The following TRMT11 variants were observed in gnomAD, a reference collection of about 807,000 sequenced individuals.
TRMT11 encodes tRNA methyltransferase 11.
Under a neutral mutation model 62.8 loss-of-function variants are expected in TRMT11, and 53 were observed. That is an observed-to-expected ratio of 0.84 (90% CI 0.68 to 1.06). TRMT11 has a LOEUF of 1.06. Ranked by LOEUF, TRMT11 falls within the 50% of genes least tolerant of loss-of-function variation. The pLI is 0.00. For synonymous variants in TRMT11, 188 were observed against 190.3 expected (o/e 0.99, Z 0.10); for missense variants, 556 against 553.4 (o/e 1.00, Z -0.05).
chr6:126,120,814 C>T (rs540914288), intron 21 of TRMT11, among the ~76,000 whole-genome samples: 1 of 152,246 alleles, frequency 6.6e-6, no homozygotes, highest in South Asian at 2.1e-4. Flanking sequence ...GAATAAGTCT[C>T]TTTCAGCCCA....
chr6:126,263,764 G>A, the TRMT11 span, among the ~76,000 whole-genome samples: 4,666 of 152,244 alleles, frequency 0.031, 101 homozygotes, highest in Non-Finnish European at 0.044. Context: ...ACCCAAAACT[G>A]CAGAGAGAGG....
At chr6:126,127,351 T>C (rs961548482) in intron 21 of TRMT11, among the ~76,000 whole-genome samples, 1 of 151,974 alleles carries the variant, frequency 6.6e-6, no homozygotes, top group Non-Finnish European at 1.5e-5. Context: ...AACTATCAAA[T>C]TGTCACATGG....
At chr6:126,086,486 T>C (rs1262178758) in intron 17 of TRMT11, among the ~76,000 whole-genome samples, 2 of 152,152 alleles carry the variant, frequency 1.3e-5, no homozygotes, top group African/African-American at 4.8e-5. Flanking sequence ...CATCCCTTTT[T>C]CTACATTTGA....
At chr6:126,176,063 G>T (rs1172265684), upstream of TRMT11, among the ~76,000 whole-genome samples, 1 of 152,202 alleles carries the variant, frequency 6.6e-6, no homozygotes, top group East Asian at 1.9e-4. Context: ...TTTGCTGGGT[G>T]ATGTGTAATC....
chr6:126,118,792 A>G (rs1466582103), intron 21 of TRMT11, among the ~76,000 whole-genome samples: 1 of 152,120 alleles, frequency 6.6e-6, no homozygotes, highest in Non-Finnish European at 1.5e-5. Flanking sequence ...CAAGTGAAAA[A>G]TTATAGAAAT....
At chr6:126,128,193 C>A (rs1178630251) in intron 21 of TRMT11, among the ~76,000 whole-genome samples, 1 of 152,048 alleles carries the variant, frequency 6.6e-6, no homozygotes, top group Non-Finnish European at 1.5e-5. Flanking sequence ...ATAAATTAAT[C>A]ATTGGAGTGA....
chr6:126,010,416 A>T (rs756821112), intron 8 of TRMT11, among the ~76,000 whole-genome samples: 7 of 151,984 alleles, frequency 4.6e-5, no homozygotes, highest in Non-Finnish European at 5.9e-5. Context: ...GTCACACTGC[A>T]TGTTTTTCAG....
the TRMT11 span, among the ~76,000 whole-genome samples, chr6:126,251,307 G>A: frequency 2.0e-5 from 3 of 151,940 alleles, no homozygotes; most frequent in Non-Finnish European, 4.4e-5. Context: ...GGGATTACAG[G>A]TGTGAGCCAC....
rs190086555 is a variant in TRMT11 at position 126,079,797 on chromosome 6, C to T, written c.*1437+26607C>T. Among the ~76,000 whole-genome samples, 510 of 152,218 alleles carry T rather than the reference C, an allele frequency of 3.4e-3. 3 individuals are homozygous for T. Among genetic ancestry groups the T allele is most frequent in the African/African-American group, 5.4e-3 (224 of 41,566 alleles). ...GATCACCAGCATCCTTGCAAAGCTC[C>T]GTGGTAAGCTAACTATGACCATGGA... On this transcript the variant is annotated intron_variant and NMD_transcript_variant, in intron 17 of 22. Coordinates refer to the TRMT11 transcript ENST00000648977.
chr6:125,999,204 A>G (rs1411858506), intron 6 of TRMT11, among the ~76,000 whole-genome samples: 1 of 152,214 alleles, frequency 6.6e-6, no homozygotes, highest in Non-Finnish European at 1.5e-5. Context: ...ATACCTTAAC[A>G]CCTACCTCTG....
the TRMT11 span, among the ~76,000 whole-genome samples, chr6:126,258,731 T>G: frequency 6.6e-6 from 1 of 152,332 alleles, no homozygotes; most frequent in South Asian, 2.1e-4. Context: ...TGTCTAATTT[T>G]TAATCTTTTA....
chr6:126,267,301 T>G, the TRMT11 span, among the ~76,000 whole-genome samples: 1 of 152,178 alleles, frequency 6.6e-6, no homozygotes, highest in African/African-American at 2.4e-5. Context: ...AGGATGTAGG[T>G]ATGATGAGCC....
intron 21 of TRMT11, among the ~76,000 whole-genome samples, chr6:126,137,760 A>G (rs1777869038): frequency 6.6e-6 from 1 of 151,970 alleles, no homozygotes; most frequent in Non-Finnish European, 1.5e-5. Flanking sequence ...AATATAGTGT[A>G]TATACACAAC....
At chr6:126,239,745 A>G in the TRMT11 span, among the ~76,000 whole-genome samples, 1 of 152,068 alleles carries the variant, frequency 6.6e-6, no homozygotes, top group Non-Finnish European at 1.5e-5. Context: ...CTGAATCTGA[A>G]TGTTGGCCTG....
At chr6:126,153,761 A>T (rs955371066) in intron 21 of TRMT11, among the ~76,000 whole-genome samples, 1 of 152,226 alleles carries the variant, frequency 6.6e-6, no homozygotes, top group African/African-American at 2.4e-5. Flanking sequence ...GTATCCACTC[A>T]CCACATCAGT....
At chr6:126,270,488 ATGT>A in the TRMT11 span, among the ~76,000 whole-genome samples, 4 of 152,176 alleles carry the variant, frequency 2.6e-5, no homozygotes, top group Non-Finnish European at 5.9e-5. Context: ...ATTATAAATG[ATGT>A]TGTTCGAACA....
the TRMT11 span, among the ~76,000 whole-genome samples, chr6:126,257,046 C>T: frequency 2.9e-4 from 44 of 151,904 alleles, no homozygotes; most frequent in African/African-American, 1.0e-3. Flanking sequence ...CCACCACACC[C>T]GGCTAATTTT....
At chr6:126,252,083 A>AT in the TRMT11 span, among the ~76,000 whole-genome samples, 1 of 152,236 alleles carries the variant, frequency 6.6e-6, no homozygotes, top group Non-Finnish European at 1.5e-5. Context: ...AAAAAGAACC[A>AT]TTTTAATATG....
chr6:126,040,479 G>A (rs1460816278), downstream of TRMT11, among the ~76,000 whole-genome samples: 2 of 152,056 alleles, frequency 1.3e-5, no homozygotes, highest in Non-Finnish European at 2.9e-5. Context: ...TTAGAGCATA[G>A]GTCTCAAGCC....
Sources: gnomAD v4.1 joint callset for allele counts (sites outside exome capture counted in the v4.1 genomes callset) on GRCh38, gnomAD v4.1.1 for gene constraint, MANE v1.5 for transcripts, NCBI Gene and HGNC (gene_info 2026-07-23, HGNC 2026-07-21) for gene names.